Variants in NOL4 observed in about 807,000 individuals in gnomAD.
The protein encoded by NOL4 is cancer/testis antigen 125.
Under a neutral mutation model 75.9 loss-of-function variants are expected in NOL4, and 17 were observed. That is an observed-to-expected ratio of 0.22 (90% CI 0.15 to 0.34). The LOEUF (loss-of-function observed/expected upper bound fraction) is 0.34, where lower values mean the gene tolerates loss of function less well. Among genes scored for constraint, NOL4 ranks in the 10% least tolerant of loss-of-function variants. The pLI, the probability that NOL4 is intolerant of heterozygous loss-of-function variation, is 1.00. For synonymous variants in NOL4, 292 were observed against 289.9 expected (o/e 1.01, Z -0.07); for missense variants, 614 against 793.5 (o/e 0.77, Z 2.72).
At chr18:33,941,001 G>C (rs956993070) in intron 9 of NOL4, among the ~76,000 whole-genome samples, 2 of 151,992 alleles carry the variant, frequency 1.3e-5, no homozygotes, top group African/African-American at 4.8e-5. Context: ...CAAAAACAAT[G>C]ATAAATCTCT....
intron 5 of NOL4, among the ~76,000 whole-genome samples, chr18:34,073,886 G>T (rs2077629580): frequency 6.6e-6 from 1 of 151,924 alleles, no homozygotes; most frequent in African/African-American, 2.4e-5. Context: ...CATAGCCAAA[G>T]CAATGTACAA....
At chr18:34,110,390 C>T (rs1229583795) in intron 2 of NOL4, among the ~76,000 whole-genome samples, 1 of 151,992 alleles carries the variant, frequency 6.6e-6, no homozygotes, top group African/African-American at 2.4e-5. Flanking sequence ...ATACACAAAT[C>T]AATAAATGAG....
intron 6 of NOL4, among the ~76,000 whole-genome samples, chr18:34,018,042 TA>T (rs1233327540): frequency 3.3e-5 from 5 of 151,582 alleles, no homozygotes; most frequent in Admixed American, 1.3e-4. Flanking sequence ...AATAAGGGAA[TA>T]AAAAAAAGAA....
intron 5 of NOL4, among the ~76,000 whole-genome samples, chr18:34,081,093 G>A (rs1418578815): frequency 6.6e-6 from 1 of 152,114 alleles, no homozygotes; most frequent in East Asian, 1.9e-4. Context: ...ATTCACAATT[G>A]TTAGACAGAA....
At position 34,222,995 on chromosome 18, in the gene NOL4, T is replaced by A. The variant is rs2037433266; in HGVS notation, c.259A>T (p.Thr87Ser). The A allele has an allele frequency of 6.2e-7, 1 of 1,606,912 alleles. No individual in the cohort carries two copies. The highest frequency in any genetic ancestry group is 8.5e-7 in the Non-Finnish European group (1 of 1,179,794). ...GAGGAAGGCGAGTCACTCACCGTGG[T>A]CTTGACAGGCACGTAGAGCACTTGC... ...AKQVLYVPVK[T>S]TDGVGVDEKL... The change falls in exon 1 of 11, where the codon ACC becomes TCC. Residue 87 changes from threonine to serine, a missense_variant. Thr to Ser is a moderately conservative substitution (Grantham distance 58). Transcript: ENST00000261592.
intron 10 of NOL4, among the ~76,000 whole-genome samples, chr18:33,881,617 TG>T (rs1467504333): frequency 6.6e-6 from 1 of 151,806 alleles, no homozygotes; most frequent in Non-Finnish European, 1.5e-5. Context: ...ATCGTGAAAA[TG>T]GCCATACTGC....
chr18:34,028,909 A>G (rs911250129), intron 5 of NOL4, among the ~76,000 whole-genome samples: 3 of 152,190 alleles, frequency 2.0e-5, no homozygotes, highest in African/African-American at 7.2e-5. Flanking sequence ...ATTTTTGAAG[A>G]GTATTATATT....
chr18:33,876,146 A>T (rs1019710013), intron 10 of NOL4, among the ~76,000 whole-genome samples: 21 of 152,188 alleles, frequency 1.4e-4, no homozygotes, highest in African/African-American at 5.1e-4. Flanking sequence ...ATTTAAATCA[A>T]ATTCAAATGC....
chr18:34,209,737 T>C (rs145097419), intron 1 of NOL4, among the ~76,000 whole-genome samples: 99 of 152,354 alleles, frequency 6.5e-4, no homozygotes, highest in African/African-American at 2.2e-3. Flanking sequence ...AGTGCCATCA[T>C]TGGCAACAGT....
At chr18:33,882,801 C>G (rs1287315393) in intron 10 of NOL4, among the ~76,000 whole-genome samples, 2 of 151,874 alleles carry the variant, frequency 1.3e-5, no homozygotes, top group Admixed American at 6.6e-5. Context: ...GAATTGGAAC[C>G]AACCCAAATG....
chr18:34,137,968 A>C (rs1024028026), intron 1 of NOL4, among the ~76,000 whole-genome samples: 1 of 152,170 alleles, frequency 6.6e-6, no homozygotes, highest in Non-Finnish European at 1.5e-5. Context: ...CATACAAAGG[A>C]ATATCTTTCT....
chr18:34,095,267 G>GTGTGTGTGT (rs952380724), intron 4 of NOL4, among the ~76,000 whole-genome samples: 1 of 151,732 alleles, frequency 6.6e-6, no homozygotes, highest in African/African-American at 2.4e-5. Context: ...GTGTGTGTGT[G>GTGTGTGTGT]TGTGTGTGTG....
At chr18:34,026,819 C>T (rs1191977580) in intron 5 of NOL4, among the ~76,000 whole-genome samples, 1 of 151,986 alleles carries the variant, frequency 6.6e-6, no homozygotes, top group African/African-American at 2.4e-5. Context: ...GGGAGTTTAT[C>T]GACATCTTAA....
intron 8 of NOL4, among the ~76,000 whole-genome samples, chr18:33,956,958 G>A (rs2069694323): frequency 6.6e-6 from 1 of 152,006 alleles, no homozygotes; most frequent in Admixed American, 6.6e-5. Flanking sequence ...GCAGTGACTG[G>A]TGCTTCAGTT....
intron 1 of NOL4, among the ~76,000 whole-genome samples, chr18:34,154,809 T>G (rs2030052564): frequency 6.6e-6 from 1 of 152,002 alleles, no homozygotes; most frequent in African/African-American, 2.4e-5. Flanking sequence ...TCTCACAAAC[T>G]CTTTGGAATG....
At chr18:33,893,246 T>A (rs755485009) in intron 9 of NOL4, among the ~76,000 whole-genome samples, 3 of 152,148 alleles carry the variant, frequency 2.0e-5, no homozygotes, top group African/African-American at 7.2e-5. Flanking sequence ...ATGGGTGATA[T>A]TTACAGATTA....
At chr18:33,862,327 A>T (rs1436456276) in intron 10 of NOL4, among the ~76,000 whole-genome samples, 3 of 152,186 alleles carry the variant, frequency 2.0e-5, no homozygotes, top group Non-Finnish European at 4.4e-5. Flanking sequence ...CTAGAAGAAA[A>T]CACAGGCATT....
chr18:34,144,541 A>T (rs1003128655), intron 1 of NOL4, among the ~76,000 whole-genome samples: 9 of 152,116 alleles, frequency 5.9e-5, no homozygotes, highest in African/African-American at 1.9e-4. Context: ...CAAATTTGTA[A>T]ATCGAGTTAG....
intron 9 of NOL4, among the ~76,000 whole-genome samples, chr18:33,942,830 T>G (rs752482936): frequency 1.9e-4 from 29 of 151,970 alleles, no homozygotes; most frequent in Admixed American, 1.5e-3. Context: ...AACAGAATCA[T>G]AACTCGTTAG....
Sources: allele counts gnomAD v4.1 joint callset (sites outside exome capture counted in the v4.1 genomes callset), GRCh38; gene constraint gnomAD v4.1.1; transcripts MANE v1.5; gene names NCBI Gene and HGNC (gene_info 2026-07-23, HGNC 2026-07-21).